Variants in DNAAF11 observed in about 807,000 individuals in gnomAD.
DNAAF11 encodes the protein leucine rich repeat containing 6.
In DNAAF11, 45 loss-of-function variants were observed where a neutral mutation model predicts 60.8. The ratio of observed to expected loss-of-function variants is 0.74; its 90% CI spans 0.58 to 0.95. The LOEUF (loss-of-function observed/expected upper bound fraction) is 0.95. Among genes scored for constraint, DNAAF11 ranks in the 40% least tolerant of loss-of-function variants. DNAAF11 has a pLI of 0.00. For missense variants in DNAAF11, 546 were observed against 546.2 expected (o/e 1.00, Z 0.00); for synonymous variants, 191 against 183.5 (o/e 1.04, Z -0.33).
chr8:132,670,950 C>T (rs1044846615), intron 1 of DNAAF11, among the ~76,000 whole-genome samples: 1 of 152,054 alleles, frequency 6.6e-6, no homozygotes, highest in African/African-American at 2.4e-5. Flanking sequence ...TAAAAAGGAA[C>T]TCAACTTGAC....
chr8:132,662,485 C>T (rs577333400), intron 1 of DNAAF11, among the ~76,000 whole-genome samples: 265 of 152,312 alleles, frequency 1.7e-3, no homozygotes, highest in African/African-American at 6.3e-3. Context: ...TTGTTGAACC[C>T]TCACATCTTC....
At chr8:132,629,788 A>G (rs957678998) in intron 5 of DNAAF11, among the ~76,000 whole-genome samples, 2 of 152,224 alleles carry the variant, frequency 1.3e-5, no homozygotes, top group Admixed American at 1.3e-4. Flanking sequence ...CCAACTAGAA[A>G]ATGCAGGATT....
chr8:132,698,386 T>C, the DNAAF11 span, among the ~76,000 whole-genome samples: 1 of 152,136 alleles, frequency 6.6e-6, no homozygotes, highest in Admixed American at 6.5e-5. Flanking sequence ...TGCCACCCCT[T>C]GCAAAGCTGC....
intron 1 of DNAAF11, among the ~76,000 whole-genome samples, chr8:132,663,299 T>C (rs572441993): frequency 5.9e-5 from 9 of 152,280 alleles, no homozygotes; most frequent in African/African-American, 2.2e-4. Flanking sequence ...AAACCAAACC[T>C]GTAAGAGAAG....
chr8:132,674,125 A>C (rs1397070622), intron 1 of DNAAF11, among the ~76,000 whole-genome samples: 19 of 148,804 alleles, frequency 1.3e-4, no homozygotes, highest in Non-Finnish European at 2.4e-4. Context: ...GAGGAGGAGG[A>C]GGAGGAGGAG....
chr8:132,697,384 G>A, the DNAAF11 span, among the ~76,000 whole-genome samples: 3 of 152,250 alleles, frequency 2.0e-5, no homozygotes, highest in Admixed American at 6.5e-5. Context: ...TTGGGAGGCC[G>A]AGGTGGGCAG....
chr8:132,630,486 G>A (rs1048122128), intron 5 of DNAAF11, among the ~76,000 whole-genome samples: 8 of 152,112 alleles, frequency 5.3e-5, no homozygotes, highest in Non-Finnish European at 1.0e-4. Flanking sequence ...ATATGGCACT[G>A]GGATAAAGAA....
At chr8:132,696,100 T>TG in the DNAAF11 span, among the ~76,000 whole-genome samples, 1 of 151,984 alleles carries the variant, frequency 6.6e-6, no homozygotes, top group African/African-American at 2.4e-5. Flanking sequence ...TGACTGTGAG[T>TG]GCATATGCCT....
chr8:132,599,506 A>T (rs181823065), intron 10 of DNAAF11, among the ~76,000 whole-genome samples: 1 of 152,346 alleles, frequency 6.6e-6, no homozygotes, highest in African/African-American at 2.4e-5. Flanking sequence ...CCTGATGAAC[A>T]TCGGTGCAAA....
intron 6 of DNAAF11, among the ~76,000 whole-genome samples, chr8:132,624,679 T>C (rs1034983048): frequency 2.6e-5 from 4 of 152,166 alleles, no homozygotes; most frequent in African/African-American, 9.7e-5. Flanking sequence ...ATAAGTTATA[T>C]ATTTTACATA....
At chr8:132,645,468 C>T (rs1822283980) in intron 3 of DNAAF11, among the ~76,000 whole-genome samples, 1 of 152,146 alleles carries the variant, frequency 6.6e-6, no homozygotes, top group South Asian at 2.1e-4. Flanking sequence ...AGCAACGGAA[C>T]AAAGCTGGAC....
intron 10 of DNAAF11, among the ~76,000 whole-genome samples, chr8:132,597,753 A>G (rs1817173678): frequency 1.3e-5 from 2 of 152,218 alleles, no homozygotes; most frequent in South Asian, 4.1e-4. Context: ...CTGGGTAACT[A>G]TGCAGGTTAT....
chr8:132,694,247 G>A, the DNAAF11 span, among the ~76,000 whole-genome samples: 2 of 152,172 alleles, frequency 1.3e-5, no homozygotes, highest in Admixed American at 6.5e-5. Flanking sequence ...GAGAAAGAAA[G>A]GAATTGTTGT....
At chr8:132,628,436 T>A (rs1820491510) in intron 5 of DNAAF11, among the ~76,000 whole-genome samples, 1 of 151,884 alleles carries the variant, frequency 6.6e-6, no homozygotes, top group South Asian at 2.1e-4. Flanking sequence ...TATTCACAAA[T>A]CCTTGCCATG....
chr8:132,646,839 T>C (rs918639322), intron 3 of DNAAF11, among the ~76,000 whole-genome samples: 3 of 152,138 alleles, frequency 2.0e-5, no homozygotes, highest in Non-Finnish European at 4.4e-5. Context: ...CCCAGACTCA[T>C]AAAGCAAGTC....
At chr8:132,675,741 G>A (rs973184595), upstream of DNAAF11, 9 of 412,112 alleles carry the variant, frequency 2.2e-5, no homozygotes, top group Middle Eastern at 4.3e-4. Context: ...CTTCGTCCTC[G>A]TCGCACTTCC....
chr8:132,696,038 G>A, the DNAAF11 span, among the ~76,000 whole-genome samples: 14 of 152,306 alleles, frequency 9.2e-5, no homozygotes, highest in African/African-American at 4.8e-5. Flanking sequence ...TGGAATGTTC[G>A]ATATTGATGG....
chr8:132,678,425 G>A (rs1470655522), upstream of DNAAF11, among the ~76,000 whole-genome samples: 5 of 152,210 alleles, frequency 3.3e-5, no homozygotes, highest in Non-Finnish European at 7.3e-5. Context: ...CCCGTTTCCT[G>A]ATTAGTCCTT....
At chr8:132,674,193 GAGA>G (rs1825532925) in intron 1 of DNAAF11, among the ~76,000 whole-genome samples, 1 of 138,752 alleles carries the variant, frequency 7.2e-6, no homozygotes, top group African/African-American at 3.0e-5. Flanking sequence ...GGAGGAGGAG[GAGA>G]AGGAGGAGGA....
Sources: allele counts gnomAD v4.1 joint callset (sites outside exome capture counted in the v4.1 genomes callset), GRCh38; gene constraint gnomAD v4.1.1; transcripts MANE v1.5; gene names NCBI Gene and HGNC (gene_info 2026-07-23, HGNC 2026-07-21).